Variants in GRIA3 observed in about 807,000 individuals in gnomAD.
GRIA3 encodes glutamate ionotropic receptor AMPA type subunit 3.
A neutral mutation model predicts 63.0 loss-of-function variants in GRIA3; 3 were observed. The ratio of observed to expected loss-of-function variants is 0.05; its 90% confidence interval spans 0.02 to 0.12. The LOEUF is 0.12. GRIA3 is among the 10% of genes least tolerant of loss of function. GRIA3 has a pLI of 1.00. For missense variants in GRIA3, 347 were observed against 700.9 expected (o/e 0.50, Z 5.70); for synonymous variants, 274 against 257.9 (o/e 1.06, Z -0.60).
intron 3 of GRIA3, among the ~76,000 whole-genome samples, chrX:123,306,987 C>T (rs1214274735): frequency 9.0e-6 from 1 of 111,700 alleles, no homozygotes; most frequent in Non-Finnish European, 1.9e-5. Context: ...GAGGTTTGTC[C>T]AAATGTCTGA....
intron 4 of GRIA3, among the ~76,000 whole-genome samples, chrX:123,336,513 C>A (rs2085614033): frequency 9.0e-6 from 1 of 111,644 alleles, no homozygotes; most frequent in Non-Finnish European, 1.9e-5. Flanking sequence ...CTCAATGGGC[C>A]CAGGTGGGGG....
intron 3 of GRIA3, among the ~76,000 whole-genome samples, chrX:123,293,959 T>C (rs767588224): frequency 1.3e-4 from 14 of 110,147 alleles, no homozygotes; most frequent in East Asian, 1.1e-3. Context: ...TCTGACATCA[T>C]TTGCTCTCCA....
At chrX:123,251,697 G>A (rs1354913795) in intron 2 of GRIA3, among the ~76,000 whole-genome samples, 1 of 111,836 alleles carries the variant, frequency 8.9e-6, no homozygotes, top group Non-Finnish European at 1.9e-5. Context: ...GCCTCCCAAA[G>A]TGCTGGGATT....
chrX:123,373,006 C>T (rs1289409529), intron 5 of GRIA3, among the ~76,000 whole-genome samples: 75 of 109,190 alleles, frequency 6.9e-4, no homozygotes, highest in Non-Finnish European at 1.1e-3. Context: ...CTAATGCTAT[C>T]CCTCCCCTAG....
chrX:123,432,295 AT>A (rs1383063720), intron 12 of GRIA3, among the ~76,000 whole-genome samples: 5 of 111,872 alleles, frequency 4.5e-5, no homozygotes, highest in Non-Finnish European at 7.5e-5. Context: ...CAGGAATCAC[AT>A]TTTTTCCCCT....
At chrX:123,481,613 G>A (rs1416579064) in intron 14 of GRIA3, among the ~76,000 whole-genome samples, 1 of 112,071 alleles carries the variant, frequency 8.9e-6, no homozygotes, top group Non-Finnish European at 1.9e-5. Context: ...AAAATTCACT[G>A]GCTTAACAAT....
chrX:123,360,832 TCC>T (rs2045167403), intron 5 of GRIA3, among the ~76,000 whole-genome samples: 2 of 55,932 alleles, frequency 3.6e-5, no homozygotes, highest in Non-Finnish European at 6.6e-5. Context: ...TTTCCTTCCC[TCC>T]TCTCTCTCTC....
At chrX:123,197,173 G>A (rs1927595798) in intron 2 of GRIA3, among the ~76,000 whole-genome samples, 1 of 111,795 alleles carries the variant, frequency 8.9e-6, no homozygotes, top group African/African-American at 3.3e-5. Context: ...TCTGGCTCTA[G>A]TTTTTATCAT....
chrX:123,290,048 T>C (rs967786935), intron 3 of GRIA3, among the ~76,000 whole-genome samples: 8 of 111,145 alleles, frequency 7.2e-5, no homozygotes, highest in African/African-American at 2.6e-4. Context: ...ATTGAAATGA[T>C]GCATTAAGAT....
intron 13 of GRIA3, among the ~76,000 whole-genome samples, chrX:123,476,472 AG>A (rs2045887737): frequency 9.0e-6 from 1 of 111,704 alleles, no homozygotes; most frequent in South Asian, 3.8e-4. Context: ...GGACAAAAGC[AG>A]TTTTCCTCTG....
chrX:123,188,898 C>A (rs772463633), intron 2 of GRIA3, among the ~76,000 whole-genome samples: 1 of 111,782 alleles, frequency 8.9e-6, no homozygotes, highest in East Asian at 2.8e-4. Flanking sequence ...CTCCACATCA[C>A]CCACCCCTAC....
chrX:123,288,997 T>A (rs1384215053), intron 3 of GRIA3, among the ~76,000 whole-genome samples: 1 of 111,877 alleles, frequency 8.9e-6, no homozygotes, highest in East Asian at 2.8e-4. Context: ...CTATTCACAA[T>A]AGCAAAGACT....
intron 3 of GRIA3, among the ~76,000 whole-genome samples, chrX:123,320,410 G>A (rs1307926677): frequency 1.8e-5 from 2 of 112,098 alleles, no homozygotes; most frequent in Non-Finnish European, 3.8e-5. Context: ...AACATGTTAT[G>A]CCATTAGCTA....
At chrX:123,418,854 A>T (rs2045549719) in intron 11 of GRIA3, among the ~76,000 whole-genome samples, 1 of 112,462 alleles carries the variant, frequency 8.9e-6, no homozygotes, top group Admixed American at 9.4e-5. Context: ...GTTTCTTATC[A>T]AGTAAGATAA....
At chrX:123,283,418 G>A (rs1250337043) in intron 3 of GRIA3, among the ~76,000 whole-genome samples, 1 of 110,993 alleles carries the variant, frequency 9.0e-6, no homozygotes, top group Non-Finnish European at 1.9e-5. Flanking sequence ...CCTGGAAAGG[G>A]GGCTGAAGCC....
At chrX:123,342,738 G>A (rs772784751) in intron 4 of GRIA3, among the ~76,000 whole-genome samples, 1 of 111,983 alleles carries the variant, frequency 8.9e-6, no homozygotes, top group African/African-American at 3.2e-5. Context: ...ATGATCATAT[G>A]AACCAAGCAC....
At chrX:123,316,177 T>C (rs1358661045) in intron 3 of GRIA3, among the ~76,000 whole-genome samples, 2 of 111,615 alleles carry the variant, frequency 1.8e-5, no homozygotes, top group Non-Finnish European at 3.8e-5. Flanking sequence ...AGATACTTAA[T>C]GTCAATATAT....
At chrX:123,416,637 C>T (rs1569433144) in intron 10 of GRIA3, among the ~76,000 whole-genome samples, 1 of 113,002 alleles carries the variant, frequency 8.8e-6, no homozygotes, top group East Asian at 2.8e-4. Context: ...CATGTGAGTG[C>T]TACACTGATA....
intron 11 of GRIA3, among the ~76,000 whole-genome samples, chrX:123,421,981 T>A (rs1172683385): frequency 9.0e-6 from 1 of 111,600 alleles, no homozygotes; most frequent in African/African-American, 3.3e-5. Flanking sequence ...TGTGATGAAA[T>A]CCAAGGTCAT....
Sources: gnomAD v4.1 joint callset for allele counts (sites outside exome capture counted in the v4.1 genomes callset) on GRCh38, gnomAD v4.1.1 for gene constraint, MANE v1.5 for transcripts, NCBI Gene and HGNC (gene_info 2026-07-23, HGNC 2026-07-21) for gene names.